The following ADAMTSL1 variants were observed in gnomAD, a reference collection of about 807,000 sequenced individuals.
The protein encoded by ADAMTSL1 is ADAMTS like 1, also known as ADAMTS-like protein 1.
A neutral mutation model predicts 201.8 loss-of-function variants in ADAMTSL1; 126 were observed. The ratio of observed to expected loss-of-function variants is 0.62; its 90% confidence interval spans 0.54 to 0.72. ADAMTSL1 has a LOEUF of 0.72. ADAMTSL1 is among the 30% of genes least tolerant of loss of function. The pLI, the probability that ADAMTSL1 is intolerant of heterozygous loss-of-function variation, is 0.00. For synonymous variants in ADAMTSL1, 1,121 were observed against 903.4 expected (o/e 1.24, Z -4.32); for missense variants, 2,679 against 2,277.8 (o/e 1.18, Z -3.59).
At chr9:18,898,559 G>C (rs1829807800) in intron 26 of ADAMTSL1, among the ~76,000 whole-genome samples, 1 of 152,182 alleles carries the variant, frequency 6.6e-6, no homozygotes, top group Non-Finnish European at 1.5e-5. Context: ...GTACTTGAAA[G>C]AGACAGGGAG....
intron 4 of ADAMTSL1, among the ~76,000 whole-genome samples, chr9:18,600,687 C>T (rs1301644736): frequency 6.6e-6 from 1 of 150,626 alleles, no homozygotes; most frequent in East Asian, 2.0e-4. Flanking sequence ...AGCCATTCTC[C>T]TGAGTAAAAG....
chr9:18,108,779 T>A (rs961906972), intron 1 of ADAMTSL1, among the ~76,000 whole-genome samples: 7 of 152,168 alleles, frequency 4.6e-5, no homozygotes, highest in Non-Finnish European at 8.8e-5. Context: ...TAGCTCTTTT[T>A]TTTTCTCCTT....
chr9:18,307,128 A>G (rs982327567), intron 2 of ADAMTSL1, among the ~76,000 whole-genome samples: 2 of 152,200 alleles, frequency 1.3e-5, no homozygotes, highest in African/African-American at 2.4e-5. Flanking sequence ...AAAATCCTTT[A>G]CAGACAAGCA....
At chr9:17,932,932 C>A (rs528988394) in intron 1 of ADAMTSL1, among the ~76,000 whole-genome samples, 8 of 152,074 alleles carry the variant, frequency 5.3e-5, no homozygotes, top group Non-Finnish European at 1.0e-4. Context: ...GTGGTTTCGA[C>A]TTCCTATTAT....
At chr9:18,339,173 C>T (rs925452612) in intron 2 of ADAMTSL1, among the ~76,000 whole-genome samples, 2 of 152,032 alleles carry the variant, frequency 1.3e-5, no homozygotes, top group Non-Finnish European at 2.9e-5. Context: ...AACAGACAAC[C>T]TACAGAATGG....
At chr9:18,428,750 A>AAT (rs894879560) in intron 2 of ADAMTSL1, among the ~76,000 whole-genome samples, 83 of 152,358 alleles carry the variant, frequency 5.4e-4, no homozygotes, top group African/African-American at 1.9e-3. Flanking sequence ...GTATTTCTTT[A>AAT]ATGTGCATAA....
intron 2 of ADAMTSL1, among the ~76,000 whole-genome samples, chr9:18,291,726 C>G (rs1035531876): frequency 7.7e-6 from 1 of 129,268 alleles, no homozygotes; most frequent in Non-Finnish European, 1.6e-5. Context: ...TTCTCTCTCT[C>G]TCTCTCTCTC....
At chr9:18,685,395 A>G (rs1157590687) in intron 13 of ADAMTSL1, among the ~76,000 whole-genome samples, 1 of 152,202 alleles carries the variant, frequency 6.6e-6, no homozygotes, top group East Asian at 1.9e-4. Context: ...AACAAATAGG[A>G]GAGACAAAAG....
chr9:18,592,484 G>T (rs1029754318), intron 4 of ADAMTSL1, among the ~76,000 whole-genome samples: 8 of 152,168 alleles, frequency 5.3e-5, no homozygotes, highest in Non-Finnish European at 1.0e-4. Flanking sequence ...TTCTCATGTA[G>T]TTGTAAGAGG....
At chr9:18,704,908 A>G (rs1294465107) in intron 13 of ADAMTSL1, among the ~76,000 whole-genome samples, 1 of 152,316 alleles carries the variant, frequency 6.6e-6, no homozygotes, top group South Asian at 2.1e-4. Flanking sequence ...ACAAGGTTAT[A>G]TGGGGACCTT....
At chr9:18,850,767 AT>A (rs1285925230) in intron 23 of ADAMTSL1, among the ~76,000 whole-genome samples, 3 of 152,234 alleles carry the variant, frequency 2.0e-5, no homozygotes, top group African/African-American at 4.8e-5. Context: ...TAACTTACTC[AT>A]TTTATGCTGT....
At chr9:18,222,930 TA>T (rs930300734) in intron 2 of ADAMTSL1, among the ~76,000 whole-genome samples, 5 of 152,180 alleles carry the variant, frequency 3.3e-5, no homozygotes, top group Non-Finnish European at 7.4e-5. Context: ...GCTGCCAGTG[TA>T]ATTTTTGTAT....
At chr9:18,498,387 AG>A (rs1822643446) in intron 1 of ADAMTSL1, among the ~76,000 whole-genome samples, 1 of 132,728 alleles carries the variant, frequency 7.5e-6, no homozygotes, top group African/African-American at 2.9e-5. Context: ...CCCAGGCTGG[AG>A]TGCATTGGCC....
At chr9:18,841,518 C>T (rs1276479107) in intron 23 of ADAMTSL1, among the ~76,000 whole-genome samples, 3 of 152,088 alleles carry the variant, frequency 2.0e-5, no homozygotes, top group Non-Finnish European at 2.9e-5. Flanking sequence ...TGTGTCTCTG[C>T]CCGGCTTTGG....
chr9:18,768,257 A>G (rs1020062132), intron 16 of ADAMTSL1, among the ~76,000 whole-genome samples: 1 of 152,190 alleles, frequency 6.6e-6, no homozygotes, highest in Non-Finnish European at 1.5e-5. Flanking sequence ...CAACGGTCAC[A>G]CTACCCTCCA....
chr9:18,647,788 T>C (rs1437223099), intron 7 of ADAMTSL1, among the ~76,000 whole-genome samples: 1 of 149,800 alleles, frequency 6.7e-6, no homozygotes, highest in Non-Finnish European at 1.5e-5. Context: ...ACATTTGCTG[T>C]GGAGAGCTTT....
At chr9:18,312,815 C>T (rs1217953639) in intron 2 of ADAMTSL1, among the ~76,000 whole-genome samples, 1 of 152,182 alleles carries the variant, frequency 6.6e-6, no homozygotes, top group Non-Finnish European at 1.5e-5. Flanking sequence ...ATGGCAGTCA[C>T]TCTAATAGCT....
intron 1 of ADAMTSL1, among the ~76,000 whole-genome samples, chr9:17,930,558 G>T (rs1013670303): frequency 6.6e-6 from 1 of 152,104 alleles, no homozygotes; most frequent in African/African-American, 2.4e-5. Context: ...GGCACATTGT[G>T]CTTGGAGAGT....
intron 1 of ADAMTSL1, among the ~76,000 whole-genome samples, chr9:18,484,822 C>G (rs1399874465): frequency 6.6e-6 from 1 of 152,060 alleles, no homozygotes; most frequent in Non-Finnish European, 1.5e-5. Flanking sequence ...AGCAGTGATT[C>G]TCAGACTTTT....
Sources: gnomAD v4.1 joint callset for allele counts (sites outside exome capture counted in the v4.1 genomes callset) on GRCh38, gnomAD v4.1.1 for gene constraint, MANE v1.5 for transcripts, NCBI Gene and HGNC (gene_info 2026-07-23, HGNC 2026-07-21) for gene names.